NOD1: variants seen among roughly 807,000 people sequenced by gnomAD.
NOD1 encodes nucleotide-binding oligomerization domain-containing protein 1.
NOD1 carries 70 observed loss-of-function variants against 81.2 expected under a neutral mutation model. The observed-to-expected ratio is 0.86, with a 90% CI of 0.71 to 1.05. The LOEUF (loss-of-function observed/expected upper bound fraction) is 1.05, where lower values mean the gene tolerates loss of function less well. Ranked by LOEUF, NOD1 falls within the 50% of genes least tolerant of loss-of-function variation. The pLI, the probability that NOD1 is intolerant of heterozygous loss-of-function variation, is 0.00. For synonymous variants in NOD1, 508 were observed against 526.9 expected, an observed-to-expected ratio of 0.96 and a Z score of 0.49; for missense variants, 1,233 against 1,228.0, an observed-to-expected ratio of 1.00 and a Z score of -0.06.
chr7:30,455,027 C>T, intron 5 of NOD1, 110 bp downstream of exon 5: 1 of 1,056,888 alleles, frequency 9.5e-7, no homozygotes, highest in South Asian at 1.5e-5. Context: ...ATCAAAATAG[C>T]ACCTGGGCCT....
At chr7:30,447,351 CAT>C in intron 7 of NOD1, 1 of 421,264 alleles carries the variant, frequency 2.4e-6, no homozygotes. Flanking sequence ...GATCTTAGGA[CAT>C]AACGCAAAGC....
At chr7:30,460,062 T>C in intron 1 of NOD1, 21 bp from the exon 2 acceptor site, 1 of 176,230 alleles carries the variant, frequency 5.7e-6, no homozygotes, top group South Asian at 1.9e-4. Context: ...CAATATATTA[T>C]ATGACAGCCA....
At chr7:30,433,467 G>A (rs1309383978) in intron 11 of NOD1, 6 of 385,960 alleles carry the variant, frequency 1.6e-5, no homozygotes, top group Non-Finnish European at 2.7e-5. Context: ...CAGATTTCAT[G>A]GAAGATGGGG....
At chr7:30,469,600 A>G (rs1788059842) in intron 1 of NOD1, among the ~76,000 whole-genome samples, 1 of 152,220 alleles carries the variant, frequency 6.6e-6, no homozygotes, top group Non-Finnish European at 1.5e-5. Flanking sequence ...GGGAAGTCCA[A>G]TGCCTGCCCC....
chr7:30,446,637 G>A, intron 8 of NOD1: 2 of 398,624 alleles, frequency 5.0e-6, no homozygotes, highest in South Asian at 3.3e-5. Flanking sequence ...CACACCTACA[G>A]CAGGGCAAGG....
intron 1 of NOD1, among the ~76,000 whole-genome samples, chr7:30,461,940 G>A (rs1787127234): frequency 1.3e-5 from 2 of 152,014 alleles, no homozygotes; most frequent in Non-Finnish European, 2.9e-5. Flanking sequence ...CGGTTTCACC[G>A]TGTTAGCCAG....
At chr7:30,435,977 T>G (rs753483913) in intron 11 of NOD1, 21 bp downstream of exon 11, 1 of 1,597,256 alleles carries the variant, frequency 6.3e-7, no homozygotes, top group South Asian at 1.1e-5. Context: ...AACAAACAAA[T>G]GAAATGACTC....
chr7:30,460,777 A>G lies in NOD1; in HGVS notation c.-351-736T>C, dbSNP rs962253963. The G allele has an allele frequency of 1.6e-5, 12 of 769,168 alleles. No individual in the cohort carries two copies. The East Asian group carries it at 1.4e-3, about 90-fold the overall frequency. The allele number at this position is 769,168 out of a possible 1,614,324, so 47.6% of individuals were successfully genotyped here. On this transcript the variant is annotated intron_variant, in intron 1 of 13. Coordinates refer to ENST00000222823, the MANE Select transcript of NOD1 (RefSeq NM_006092.4). ...TTTCCTCTCAACCGCTCTTCTTTCT[A>G]GCTTTCTGCCCTCAGAGAGGGTTAG...
At chr7:30,446,093 C>CG (rs748151869) in intron 9 of NOD1, 48 bp downstream of exon 9, 19 of 1,325,302 alleles carry the variant, frequency 1.4e-5, no homozygotes, top group Admixed American at 1.9e-5. Context: ...GCCCGCCCCC[C>CG]ACACACACAG....
rs1785809088 is a variant in NOD1 at position 30,452,191 on chromosome 7, T to C, written c.1226A>G (p.Glu409Gly). The C allele has an allele frequency of 6.2e-7, 1 of 1,613,758 alleles. No individual in the cohort carries two copies. The highest frequency in any genetic ancestry group is 1.3e-5 in the African/African-American group (1 of 74,890). Residue 409 changes from glutamate (E) to glycine (G), a missense_variant, in exon 6 of 14, where the codon GAA becomes GGA. Physicochemically the swap from Glu to Gly is moderately conservative, Grantham distance 98. Coordinates refer to ENST00000222823, the MANE Select transcript of NOD1 (RefSeq NM_006092.4). ...GCAGTCGGGCAGCTGTGGTGAGCCT[T>C]CAAAGGCAGCACGGAAGTGCTGGAA... is the stretch of plus-strand genomic sequence containing the variant. ...RCFQHFRAAF[E>G]GSPQLPDCTM...
rs1307358504 is a variant in NOD1 at position 30,467,696 on chromosome 7, ATTTT to A, written c.-351-7659_-351-7656del. 6.6e-6 allele frequency among the ~76,000 whole-genome samples: 1 copy of A among 151,798 alleles called. No individual in the cohort carries two copies. The highest frequency in any genetic ancestry group is 1.5e-5 in the Non-Finnish European group (1 of 67,962). Reference sequence around the variant, plus strand: ...AACAGTTTTTTTTGTTGTTGTTGTTATTTTTGTTTGTTTGTTTGTTTTGAGACAG... The same window carrying A: ...AACAGTTTTTTTTGTTGTTGTTGTTATGTTTGTTTGTTTGTTTTGAGACAG... On this transcript the variant is annotated intron_variant, in intron 1 of 13. Transcript: ENST00000222823. This position sits in a 1 kb window ranked among gnomAD's most constrained non-coding sequence, Gnocchi z 4.5.
chr7:30,457,340 A>G (rs1381442505), intron 3 of NOD1, among the ~76,000 whole-genome samples: 1 of 152,066 alleles, frequency 6.6e-6, no homozygotes, highest in African/African-American at 2.4e-5. Flanking sequence ...AGTCCCAGCT[A>G]TTGGGGAGGC....
Position 30,433,523 on chromosome 7 carries a change from T to C in NOD1, c.2622-344A>G, listed in dbSNP as rs1784129344. 3 of 303,418 alleles carry C rather than the reference T, an allele frequency of 9.9e-6. No homozygotes were observed. The South Asian group carries it at 1.7e-4, about 17-fold the overall frequency. 18.8% of individuals were successfully genotyped at this position (303,418 alleles called of 1,614,324 possible). ...CAATGCCTGCTTCTCAGTTCTCCTCTAGTCCCAGGGTCCCTTGAACACCAC... is the reference window on the plus strand; with the variant it reads ...CAATGCCTGCTTCTCAGTTCTCCTCCAGTCCCAGGGTCCCTTGAACACCAC... On this transcript the variant is annotated intron_variant, in intron 11 of 13. Coordinates refer to ENST00000222823, the MANE Select transcript of NOD1 (RefSeq NM_006092.4).
At chr7:30,447,488 C>T (rs377140736) in intron 7 of NOD1, 97 of 238,794 alleles carry the variant, frequency 4.1e-4, no homozygotes, top group Admixed American at 1.7e-3. Flanking sequence ...TCAGCCATCT[C>T]ACCGCTCAAT....
chr7:30,437,115 A>C (rs1372386980), intron 10 of NOD1, among the ~76,000 whole-genome samples: 1 of 152,166 alleles, frequency 6.6e-6, no homozygotes, highest in Non-Finnish European at 1.5e-5. Flanking sequence ...TCAGCAAACT[A>C]ACACAGGAAC....
At chr7:30,469,891 C>T (rs1788089700) in intron 1 of NOD1, among the ~76,000 whole-genome samples, 1 of 152,230 alleles carries the variant, frequency 6.6e-6, no homozygotes, top group Non-Finnish European at 1.5e-5. Flanking sequence ...CAAACATTTC[C>T]TCCATCCCCC....
At chr7:30,446,920 G>T (rs760410133) in intron 8 of NOD1, 47 bp downstream of exon 8, 3 of 1,395,198 alleles carry the variant, frequency 2.2e-6, no homozygotes, top group Admixed American at 1.9e-5. Flanking sequence ...AACAGAAGGG[G>T]GTGATCAAGA....
rs144684378 is a variant in NOD1, at chr7:30,451,303, C to T, written c.2114G>A (p.Arg705Gln). Residue 705 changes from arginine to glutamine, a missense_variant, in exon 6 of 14, where the codon CGG becomes CAG. Physicochemically the swap from Arg to Gln is conservative, Grantham distance 43 (BLOSUM62 1). Transcript: ENST00000222823. The surrounding 1 kb of genome is among the most constrained non-coding windows in gnomAD (Gnocchi z 4.2). ...LSFVLHHFPK[R>Q]LALDLDNNNL... is the part of the protein sequence containing the mutation. ...GTTGTTGTCTAGGTCTAGGGCCAGC[C>T]GCTTGGGGAAGTGATGCAGGACGAA... 1,616 of 1,614,210 alleles carry T rather than the reference C, an allele frequency of 1.0e-3. 2 individuals carry two copies. Among genetic ancestry groups the T allele is most frequent in the Middle Eastern group, 2.5e-3 (15 of 6,062 alleles).
In NOD1 at chr7:30,451,894, C is replaced by A. The variant is rs772683012; in HGVS notation, c.1523G>T (p.Gly508Val). Reference sequence around the variant, plus strand: ...GAAAAACTCATAGGACTGCTGGTCACCCCCGGGGCCCAGCTCCGGCAAAGC... The same window carrying A: ...GAAAAACTCATAGGACTGCTGGTCAACCCCGGGGCCCAGCTCCGGCAAAGC... ...LRALPELGPGGDQQSYEFFHL... is the reference protein window; with the variant it reads ...LRALPELGPGVDQQSYEFFHL... Residue 508 changes from glycine (G) to valine (V), a missense_variant, in exon 6 of 14, where the codon GGT becomes GTT. By Grantham distance (109) the Gly-to-Val change is moderately radical. Coordinates refer to ENST00000222823, the MANE Select transcript of NOD1 (RefSeq NM_006092.4). This position sits in a 1 kb window ranked among gnomAD's most constrained non-coding sequence, Gnocchi z 4.2. 1.2e-6 allele frequency: 2 copies of A among 1,613,578 alleles called. No individual in the cohort carries two copies. The highest frequency in any genetic ancestry group is 1.7e-6 in the Non-Finnish European group (2 of 1,179,956).
Sources: allele counts gnomAD v4.1 joint callset (sites outside exome capture counted in the v4.1 genomes callset), GRCh38; gene constraint gnomAD v4.1.1; non-coding constraint Gnocchi (gnomAD v3.1); transcripts MANE v1.5; gene names NCBI Gene and HGNC (gene_info 2026-07-23, HGNC 2026-07-21).